Variants in AKAP13 observed in about 807,000 individuals in gnomAD.
AKAP13 encodes A-kinase anchoring protein 13.
A neutral mutation model predicts 264.5 loss-of-function variants in AKAP13; 80 were observed. That is an observed-to-expected ratio of 0.30 (90% CI 0.25 to 0.36). The LOEUF is 0.36. Among genes scored for constraint, AKAP13 ranks in the 10% least tolerant of loss-of-function variants. The probability of loss-of-function intolerance (pLI) is 1.00; values close to 1 mark genes in which losing one functional copy is unlikely to be tolerated. For synonymous variants in AKAP13, 1,380 were observed against 1,250.2 expected (o/e 1.10, Z -2.19); for missense variants, 3,712 against 3,435.2 (o/e 1.08, Z -2.01).
chr15:85,462,806 C>A (rs899522324), intron 1 of AKAP13, among the ~76,000 whole-genome samples: 2 of 151,640 alleles, frequency 1.3e-5, no homozygotes, highest in African/African-American at 4.8e-5. Flanking sequence ...GGGCGGATCA[C>A]GAGGTCAGGA....
chr15:85,529,357 C>T (rs960035836), intron 3 of AKAP13, among the ~76,000 whole-genome samples: 1 of 152,134 alleles, frequency 6.6e-6, no homozygotes, highest in Non-Finnish European at 1.5e-5. Context: ...GGACGCAGAG[C>T]TTGCAGTGAG....
At chr15:85,574,901 T>C (rs1182367209) in intron 5 of AKAP13, among the ~76,000 whole-genome samples, 1 of 152,198 alleles carries the variant, frequency 6.6e-6, no homozygotes, top group African/African-American at 2.4e-5. Context: ...CTAAAGAACA[T>C]TGTTAGGGCT....
At position 85,502,996 on chromosome 15, in the gene AKAP13, G is replaced by C. The variant is rs1567091317; in HGVS notation, c.33+17243G>C. On this transcript the variant is annotated intron_variant, in intron 2 of 36. Coordinates refer to ENST00000394518, the MANE Select transcript of AKAP13 (RefSeq NM_007200.5). ...AGATTAAGAGAGGTAGAGACATGGA[G>C]ATTATGAAATGTGGGATGTTTCTAT... Among the ~76,000 whole-genome samples, 4 of 152,188 alleles carry C rather than the reference G, an allele frequency of 2.6e-5. 1 individual carries two copies. Among genetic ancestry groups the C allele is most frequent in the African/African-American group, 9.6e-5 (4 of 41,462 alleles).
intron 1 of AKAP13, among the ~76,000 whole-genome samples, chr15:85,467,454 T>A (rs1260981850): frequency 6.6e-6 from 1 of 152,150 alleles, no homozygotes; most frequent in Non-Finnish European, 1.5e-5. Context: ...GTTATTTGTG[T>A]CTCTGTGAAC....
At chr15:85,744,551 C>T (rs2151795663) in intron 36 of AKAP13, 77 bp from the exon 37 acceptor site, 2 of 1,507,474 alleles carry the variant, frequency 1.3e-6, no homozygotes, top group East Asian at 2.3e-5. Flanking sequence ...TTACAGAAGA[C>T]TTTGGGATGG....
chr15:85,392,454 C>T (rs1295694517), intron 1 of AKAP13, among the ~76,000 whole-genome samples: 1 of 151,898 alleles, frequency 6.6e-6, no homozygotes, highest in African/African-American at 2.4e-5. Context: ...AGGGTTTCAC[C>T]ATGTTGGCCA....
At chr15:85,658,390 T>C (rs1290601827) in intron 11 of AKAP13, 147 bp from the exon 12 acceptor site, 2 of 574,100 alleles carry the variant, frequency 3.5e-6, no homozygotes, top group African/African-American at 1.9e-5. Flanking sequence ...CTGATGTTTT[T>C]CTCATTCCAC....
chr15:85,413,995 C>A (rs1010871508), intron 1 of AKAP13, among the ~76,000 whole-genome samples: 2 of 151,850 alleles, frequency 1.3e-5, no homozygotes, highest in Admixed American at 1.3e-4. Flanking sequence ...TTTCTCCAAC[C>A]TTTTTTACCA....
chr15:85,575,312 A>T lies in AKAP13; in HGVS notation c.844A>T (p.Ile282Phe). ...CTGPIFKLMNIQQQLMKTNLK... is the reference protein window; with the variant it reads ...CTGPIFKLMNFQQQLMKTNLK... Reference sequence around the variant, plus strand: ...TGGACCAATTTTTAAACTTATGAACATCCAACAGCAACTAATGGTAAGTCA... The same window carrying T: ...TGGACCAATTTTTAAACTTATGAACTTCCAACAGCAACTAATGGTAAGTCA... The change falls in exon 6 of 37, where the codon ATC becomes TTC. Residue 282 changes from isoleucine to phenylalanine, a missense_variant. Physicochemically the swap from Ile to Phe is conservative, Grantham distance 21. Coordinates refer to ENST00000394518, the MANE Select transcript of AKAP13 (RefSeq NM_007200.5). The T allele has an allele frequency of 1.2e-6, 2 of 1,614,142 alleles. No homozygotes were observed. The highest frequency in any genetic ancestry group is 1.7e-6 in the Non-Finnish European group (2 of 1,180,006).
intron 4 of AKAP13, chr15:85,535,859 G>T (rs1256966963): frequency 6.7e-6 from 1 of 150,156 alleles, no homozygotes; most frequent in Admixed American, 6.6e-5. Flanking sequence ...GAGTGCAATG[G>T]TGCAATCTCG....
At chr15:85,717,264 A>G (rs758923567) in intron 20 of AKAP13, 26 bp from the exon 21 acceptor site, 1 of 1,423,874 alleles carries the variant, frequency 7.0e-7, no homozygotes, top group Admixed American at 1.8e-5. Context: ...TGTATTTGAC[A>G]GTATGTATTT....
At chr15:85,487,995 T>G (rs72754529) in intron 2 of AKAP13, among the ~76,000 whole-genome samples, 1 of 152,346 alleles carries the variant, frequency 6.6e-6, no homozygotes, top group Non-Finnish European at 1.5e-5. Flanking sequence ...TCTCCCAGGC[T>G]CAAATGCTCT....
chr15:85,708,133 C>A lies in AKAP13; in HGVS notation c.5532+47C>A. ...AAGGCTTAAAATAAAAGGGTTTAAA[C>A]CAGCAAAATCCTCGGGAGTTGGGAG... is the stretch of plus-strand genomic sequence containing the variant. On this transcript the variant is annotated intron_variant, in intron 18 of 36. Transcript: ENST00000394518. This position sits in a 1 kb window ranked among gnomAD's most constrained non-coding sequence, Gnocchi z 4.3. The A allele has an allele frequency of 2.5e-6, 4 of 1,574,536 alleles. No individual in the cohort carries two copies. Among genetic ancestry groups the A allele is most frequent in the Non-Finnish European group, 2.6e-6 (3 of 1,149,490 alleles).
intron 4 of AKAP13, among the ~76,000 whole-genome samples, chr15:85,537,188 C>T (rs1202024397): frequency 2.0e-5 from 3 of 152,056 alleles, no homozygotes; most frequent in Non-Finnish European, 4.4e-5. Context: ...AGAGAAGCAT[C>T]AGTTAAGAGT....
rs2089375475 is a variant in AKAP13, at chr15:85,746,583, C to T, written c.*1906C>T. 1 of 152,200 alleles carries T rather than the reference C, an allele frequency of 6.6e-6. No individual in the cohort carries two copies. The highest frequency in any genetic ancestry group is 1.5e-5 in the Non-Finnish European group (1 of 68,044). 9.4% of individuals were successfully genotyped at this position (152,200 alleles called of 1,614,324 possible). A position where few individuals can be genotyped will look rare whatever the true frequency, so the allele number is the denominator to read the frequency against. On this transcript the variant is annotated 3_prime_UTR_variant, in exon 37 of 37. Coordinates refer to ENST00000394518, the MANE Select transcript of AKAP13 (RefSeq NM_007200.5). ...TTTTCTGTCATGGAGAATACTCACC[C>T]TTCAGAAACAGACCAAAGGCCAAAA...
intron 1 of AKAP13, among the ~76,000 whole-genome samples, chr15:85,465,606 GT>G (rs922882579): frequency 1.3e-5 from 2 of 148,918 alleles, no homozygotes; most frequent in South Asian, 2.1e-4. Context: ...GCGGTGTTTG[GT>G]TTTTTTGTCC....
At position 85,718,368 on chromosome 15, in the gene AKAP13, T is replaced by C. The variant is rs528251370; in HGVS notation, c.6001+209T>C. ...CTTCTGTTTTCAGTTCTACTGAACA[T>C]TGTACTTATATGTGAGTACTTATTT... is the stretch of plus-strand genomic sequence containing the variant. On this transcript the variant is annotated intron_variant, in intron 22 of 36. Coordinates refer to ENST00000394518, the MANE Select transcript of AKAP13 (RefSeq NM_007200.5). This position sits in a 1 kb window ranked among gnomAD's most constrained non-coding sequence, Gnocchi z 4.9. 6.6e-6 allele frequency among the ~76,000 whole-genome samples: 1 copy of C among 152,346 alleles called. No homozygotes were observed. Among genetic ancestry groups the C allele is most frequent in the South Asian group, 2.1e-4 (1 of 4,828 alleles).
chr15:85,653,785 C>T (rs1053912130), intron 10 of AKAP13, among the ~76,000 whole-genome samples: 7 of 152,102 alleles, frequency 4.6e-5, no homozygotes, highest in South Asian at 2.1e-4. Context: ...GCCCCCATCC[C>T]GTAAGAGTGC....
At chr15:85,402,614 G>A (rs867337524) in intron 1 of AKAP13, among the ~76,000 whole-genome samples, 1 of 152,152 alleles carries the variant, frequency 6.6e-6, no homozygotes, top group East Asian at 1.9e-4. Context: ...CTGATAAAAA[G>A]ATGCAAAGAA....
Sources: gnomAD v4.1 joint callset for allele counts (sites outside exome capture counted in the v4.1 genomes callset) on GRCh38, gnomAD v4.1.1 for gene constraint, Gnocchi (gnomAD v3.1) non-coding constraint, MANE v1.5 for transcripts, NCBI Gene and HGNC (gene_info 2026-07-23, HGNC 2026-07-21) for gene names.